Variants in PLCB1 observed in about 807,000 individuals in gnomAD.
PLCB1 encodes the protein phospholipase C beta 1.
Under a neutral mutation model 161.8 loss-of-function variants are expected in PLCB1, and 46 were observed. The ratio of observed to expected loss-of-function variants is 0.28; its 90% CI spans 0.22 to 0.36. PLCB1 has a LOEUF of 0.36. PLCB1 is among the 10% of genes least tolerant of loss of function. The pLI is 1.00. For synonymous variants in PLCB1, 517 were observed against 503.7 expected, an observed-to-expected ratio of 1.03 and a Z score of -0.35; for missense variants, 1,016 against 1,472.5, an observed-to-expected ratio of 0.69 and a Z score of 5.07.
chr20:8,464,446 C>T (rs991355098), intron 3 of PLCB1, among the ~76,000 whole-genome samples: 2 of 152,156 alleles, frequency 1.3e-5, no homozygotes, highest in African/African-American at 4.8e-5. Flanking sequence ...TGATTCCAAC[C>T]TAGCTGTCTC....
At chr20:8,264,409 A>G (rs1017737817) in intron 2 of PLCB1, among the ~76,000 whole-genome samples, 1 of 152,192 alleles carries the variant, frequency 6.6e-6, no homozygotes, top group Non-Finnish European at 1.5e-5. Flanking sequence ...AGTATACTCT[A>G]AAATAATAAT....
At chr20:8,557,748 A>G (rs1302919557) in intron 3 of PLCB1, among the ~76,000 whole-genome samples, 1 of 152,024 alleles carries the variant, frequency 6.6e-6, no homozygotes, top group Non-Finnish European at 1.5e-5. Context: ...TAGAAAAGTC[A>G]CTAAAGAAAG....
intron 3 of PLCB1, among the ~76,000 whole-genome samples, chr20:8,401,391 G>A (rs966041477): frequency 7.9e-5 from 12 of 152,102 alleles, no homozygotes; most frequent in Admixed American, 1.3e-4. Flanking sequence ...ACAGAGCACC[G>A]CTTGGAATAA....
At chr20:8,734,135 C>CAAAAAAAAAAAAAAAAA (rs10624037) in intron 19 of PLCB1, among the ~76,000 whole-genome samples, 4 of 57,926 alleles carry the variant, frequency 6.9e-5, no homozygotes, top group Admixed American at 3.2e-4. Context: ...GACTCTGTCT[C>CAAAAAAAAAAAAAAAAA]AAAAAAAAAA....
intron 27 of PLCB1, among the ~76,000 whole-genome samples, chr20:8,785,440 T>TAA (rs1983438494): frequency 6.6e-6 from 1 of 152,214 alleles, no homozygotes; most frequent in African/African-American, 2.4e-5. Context: ...TCAGAGTTTC[T>TAA]AGAACAGTGC....
chr20:8,132,785 C>A lies in PLCB1; in HGVS notation c.99+35C>A. ...GGGGCGGCCCGAGTCGGGGCGCTGGCTCGGGCACCGGGCAGGGCGGGCGTC... is the reference window on the plus strand; with the variant it reads ...GGGGCGGCCCGAGTCGGGGCGCTGGATCGGGCACCGGGCAGGGCGGGCGTC... On this transcript the variant is annotated intron_variant, in intron 1 of 31. Coordinates refer to ENST00000338037, the MANE Select transcript of PLCB1 (RefSeq NM_015192.4). The surrounding 1 kb of genome is among the most constrained non-coding windows in gnomAD (Gnocchi z 5.2). 6.7e-7 allele frequency: 1 copy of A among 1,493,268 alleles called. No homozygotes were observed. The highest frequency in any genetic ancestry group is 9.3e-7 in the Non-Finnish European group (1 of 1,074,564). 92.5% of individuals were successfully genotyped at this position (1,493,268 alleles called of 1,614,324 possible). A position where few individuals can be genotyped will look rare whatever the true frequency, so the allele number is the denominator to read the frequency against.
chr20:8,730,901 A>G (rs1330043704), intron 18 of PLCB1, among the ~76,000 whole-genome samples: 1 of 151,680 alleles, frequency 6.6e-6, no homozygotes, highest in East Asian at 1.9e-4. Flanking sequence ...AAATGATTGT[A>G]TTTTACAAAT....
At chr20:8,730,477 C>CA (rs1980179196) in intron 18 of PLCB1, among the ~76,000 whole-genome samples, 1 of 151,686 alleles carries the variant, frequency 6.6e-6, no homozygotes, top group African/African-American at 2.4e-5. Context: ...TGCAATAACT[C>CA]ACTGTTTTTA....
At chr20:8,249,233 A>G (rs1600261255) in intron 2 of PLCB1, among the ~76,000 whole-genome samples, 1 of 151,962 alleles carries the variant, frequency 6.6e-6, no homozygotes. Context: ...GATTTCCAAA[A>G]CGCTGTTAGT....
chr20:8,594,442 T>C (rs1382511318), intron 3 of PLCB1, among the ~76,000 whole-genome samples: 1 of 152,126 alleles, frequency 6.6e-6, no homozygotes, highest in Non-Finnish European at 1.5e-5. Flanking sequence ...TCATTGGGGA[T>C]CTGGTTAAAA....
intron 2 of PLCB1, among the ~76,000 whole-genome samples, chr20:8,163,253 C>T (rs1262923208): frequency 6.6e-6 from 1 of 152,162 alleles, no homozygotes; most frequent in Non-Finnish European, 1.5e-5. Context: ...GGAGACAGTG[C>T]AGAGAGGAGA....
intron 3 of PLCB1, among the ~76,000 whole-genome samples, chr20:8,536,602 A>G (rs1985060352): frequency 1.3e-5 from 2 of 152,140 alleles, no homozygotes; most frequent in African/African-American, 4.8e-5. Flanking sequence ...CCAGGTGATC[A>G]TCACTCACCG....
intron 9 of PLCB1, among the ~76,000 whole-genome samples, chr20:8,669,797 G>A (rs1269904627): frequency 6.6e-6 from 1 of 152,158 alleles, no homozygotes; most frequent in Non-Finnish European, 1.5e-5. Flanking sequence ...GTTTTAAGTA[G>A]CTCATCAGAA....
chr20:8,845,103 G>C (rs1251879237), intron 31 of PLCB1, among the ~76,000 whole-genome samples: 1 of 151,660 alleles, frequency 6.6e-6, no homozygotes, highest in African/African-American at 2.4e-5. Context: ...AATAGAGCAA[G>C]ACTCTGTCTC....
chr20:8,294,560 A>T (rs1983539440), intron 2 of PLCB1, among the ~76,000 whole-genome samples: 1 of 151,592 alleles, frequency 6.6e-6, no homozygotes, highest in African/African-American at 2.4e-5. Flanking sequence ...GTATATCTAC[A>T]TGTCTATATG....
chr20:8,431,160 A>C (rs1422377070), intron 3 of PLCB1, among the ~76,000 whole-genome samples: 4 of 152,154 alleles, frequency 2.6e-5, no homozygotes, highest in African/African-American at 7.2e-5. Context: ...CCTCAAACGA[A>C]GTGTAAAAGA....
intron 3 of PLCB1, among the ~76,000 whole-genome samples, chr20:8,514,258 G>A (rs918212945): frequency 9.9e-5 from 15 of 151,670 alleles, no homozygotes; most frequent in Admixed American, 5.9e-4. Flanking sequence ...TGGGCAACAC[G>A]GCGAAACCCT....
At chr20:8,231,815 T>A (rs981965864) in intron 2 of PLCB1, among the ~76,000 whole-genome samples, 1 of 152,138 alleles carries the variant, frequency 6.6e-6, no homozygotes, top group East Asian at 1.9e-4. Context: ...ATAGACAAAA[T>A]TATCAACCTC....
At chr20:8,284,825 C>T (rs144721748) in intron 2 of PLCB1, among the ~76,000 whole-genome samples, 1 of 152,118 alleles carries the variant, frequency 6.6e-6, no homozygotes, top group East Asian at 1.9e-4. Flanking sequence ...TCCTCTGGAA[C>T]ATCAGTTTAT....
Sources: allele counts gnomAD v4.1 joint callset (sites outside exome capture counted in the v4.1 genomes callset), GRCh38; gene constraint gnomAD v4.1.1; non-coding constraint Gnocchi (gnomAD v3.1); transcripts MANE v1.5; gene names NCBI Gene and HGNC (gene_info 2026-07-23, HGNC 2026-07-21).